Variants in PRNP observed in about 807,000 individuals in gnomAD.
PRNP encodes the protein prion protein (Kanno blood group).
Under a neutral mutation model 21.3 loss-of-function variants are expected in PRNP, and 15 were observed. The observed-to-expected ratio is 0.71, with a 90% CI of 0.47 to 1.09. The LOEUF is 1.09. PRNP is among the 50% of genes least tolerant of loss of function. The pLI, the probability that PRNP is intolerant of heterozygous loss-of-function variation, is 0.00. For missense variants in PRNP, 285 were observed against 340.9 expected, an observed-to-expected ratio of 0.84 and a Z score of 1.29; for synonymous variants, 121 against 123.1, an observed-to-expected ratio of 0.98 and a Z score of 0.11.
At chr20:4,692,335 C>T (rs1921881838) in intron 1 of PRNP, among the ~76,000 whole-genome samples, 1 of 152,150 alleles carries the variant, frequency 6.6e-6, no homozygotes, top group Admixed American at 6.5e-5. Context: ...GATTTAGGGA[C>T]TCACTGAGTT....
In PRNP at chr20:4,699,681, TGCACC is replaced by T; in HGVS notation, c.463_467del (p.His155LeufsTer12). 1 of 1,613,994 alleles carries T rather than the reference TGCACC, an allele frequency of 6.2e-7. No homozygotes were observed. Among genetic ancestry groups the T allele is most frequent in the Non-Finnish European group, 8.5e-7 (1 of 1,179,988 alleles). On this transcript the variant is annotated frameshift_variant, in exon 2 of 2. Coordinates refer to ENST00000379440, the MANE Select transcript of PRNP (RefSeq NM_000311.5). LOFTEE classifies it high-confidence loss of function. This position sits in a 1 kb window ranked among gnomAD's most constrained non-coding sequence, Gnocchi z 5.8. Reference sequence around the variant, plus strand: ...GAGGACCGTTACTATCGTGAAAACATGCACCGTTACCCCAACCAAGTGTACTACAG... The same window carrying T: ...GAGGACCGTTACTATCGTGAAAACATGTTACCCCAACCAAGTGTACTACAG...
Position 4,686,635 on chromosome 20 carries a change from G to A in PRNP, c.-11+123G>A, listed in dbSNP as rs553573503. 2.7e-3 allele frequency: 410 copies of A among 152,092 alleles called. 1 individual carries two copies. The highest frequency in any genetic ancestry group is 4.4e-3 in the Non-Finnish European group (299 of 68,002). 9.4% of individuals were successfully genotyped at this position (152,092 alleles called of 1,614,324 possible). On this transcript the variant is annotated intron_variant, in intron 1 of 1. Transcript: ENST00000379440. The surrounding 1 kb of genome is among the most constrained non-coding windows in gnomAD (Gnocchi z 6.7). ...GGCCGGGCGGGGTCGGGACCCCAGT[G>A]AGGAGGGGCCGGGGGCTGCCCCGCG...
intron 1 of PRNP, among the ~76,000 whole-genome samples, chr20:4,698,081 G>A (rs1427694213): frequency 1.3e-5 from 2 of 152,070 alleles, no homozygotes; most frequent in African/African-American, 4.8e-5. Context: ...GAGTAGCAGG[G>A]AGGCCAAGAG....
intron 1 of PRNP, among the ~76,000 whole-genome samples, chr20:4,688,445 A>T (rs1194660455): frequency 6.6e-6 from 1 of 152,214 alleles, no homozygotes; most frequent in African/African-American, 2.4e-5. Flanking sequence ...GGGCATTTCG[A>T]ACCAGTGACA....
chr20:4,687,010 T>C (rs1440655598), intron 1 of PRNP, among the ~76,000 whole-genome samples: 1 of 151,848 alleles, frequency 6.6e-6, no homozygotes, highest in Non-Finnish European at 1.5e-5. Context: ...AGAACGCCCC[T>C]TGGCAAGGCC....
At chr20:4,687,093 G>T (rs1568528124) in intron 1 of PRNP, among the ~76,000 whole-genome samples, 1 of 152,166 alleles carries the variant, frequency 6.6e-6, no homozygotes, top group Non-Finnish European at 1.5e-5. Context: ...AGTTCCGGGA[G>T]CCTCGGTGCC....
Position 4,699,920 on chromosome 20 carries a change from C to T in PRNP, c.700C>T (p.Leu234Phe), listed in dbSNP as rs536371371. The change falls in exon 2 of 2, where the codon CTC becomes TTC. Residue 234 changes from leucine to phenylalanine, a missense_variant. Transcript: ENST00000379440. The surrounding 1 kb of genome is among the most constrained non-coding windows in gnomAD (Gnocchi z 5.8). ...AYYQRGSSMV[L>F]FSSPPVILLI... is the part of the protein sequence containing the mutation. ...TTACCAGAGAGGATCGAGCATGGTCCTCTTCTCCTCTCCACCTGTGATCCT... is the reference window on the plus strand; with the variant it reads ...TTACCAGAGAGGATCGAGCATGGTCTTCTTCTCCTCTCCACCTGTGATCCT... The T allele has an allele frequency of 8.4e-5, 136 of 1,613,906 alleles. No homozygotes were observed. The South Asian group carries it at 1.4e-3, about 17-fold the overall frequency.
Position 4,697,387 on chromosome 20 carries a change from AC to A in PRNP, c.-10-1823del, listed in dbSNP as rs1922233653. Among the ~76,000 whole-genome samples, 1 of 152,214 alleles carries A rather than the reference AC, an allele frequency of 6.6e-6. No homozygotes were observed. Among genetic ancestry groups the A allele is most frequent in the African/African-American group, 2.4e-5 (1 of 41,442 alleles). Reference sequence around the variant, plus strand: ...CCCGTGGAGAACATGAATAATAAGCACAGAGGAAATAACATAATATCTCAAG... The same window carrying A: ...CCCGTGGAGAACATGAATAATAAGCAAGAGGAAATAACATAATATCTCAAG... On this transcript the variant is annotated intron_variant, in intron 1 of 1. Coordinates refer to ENST00000379440, the MANE Select transcript of PRNP (RefSeq NM_000311.5). The surrounding 1 kb of genome is among the most constrained non-coding windows in gnomAD (Gnocchi z 4.6).
Position 4,700,039 on chromosome 20 carries a change from G to A in PRNP, c.*57G>A. 1.3e-6 allele frequency: 2 copies of A among 1,555,392 alleles called. No homozygotes were observed. Among genetic ancestry groups the A allele is most frequent in the Non-Finnish European group, 1.7e-6 (2 of 1,149,096 alleles). ...ATCTTTTTCCAGCTTGAGGGAGGCG[G>A]TATCCACCTGCAGCCCTTTTAGTGG... On this transcript the variant is annotated 3_prime_UTR_variant, in exon 2 of 2. Transcript: ENST00000379440. The surrounding 1 kb of genome is among the most constrained non-coding windows in gnomAD (Gnocchi z 4.1).
Position 4,699,085 on chromosome 20 carries a change from C to A in PRNP, c.-10-126C>A. On this transcript the variant is annotated intron_variant, in intron 1 of 1. Coordinates refer to ENST00000379440, the MANE Select transcript of PRNP (RefSeq NM_000311.5). This position sits in a 1 kb window ranked among gnomAD's most constrained non-coding sequence, Gnocchi z 5.8. ...TTGTCCTAAGTGCTTCAGAGAAGTACAGGGTGGCAACAGTGTTTCTACTGA... is the reference window on the plus strand; with the variant it reads ...TTGTCCTAAGTGCTTCAGAGAAGTAAAGGGTGGCAACAGTGTTTCTACTGA... The A allele has an allele frequency of 1.7e-6, 2 of 1,152,820 alleles. No homozygotes were observed. The highest frequency in any genetic ancestry group is 1.3e-6 in the Non-Finnish European group (1 of 779,414). 71.4% of individuals were successfully genotyped at this position (1,152,820 alleles called of 1,614,324 possible). A position where few individuals can be genotyped will look rare whatever the true frequency, so the allele number is the denominator to read the frequency against.
chr20:4,692,546 T>A (rs1921899987), intron 1 of PRNP, among the ~76,000 whole-genome samples: 1 of 152,208 alleles, frequency 6.6e-6, no homozygotes, highest in Non-Finnish European at 1.5e-5. Context: ...GGGCTTTGTG[T>A]TTGTGACAGC....
In PRNP at chr20:4,686,537, G is replaced by C. The variant is rs1263930800; in HGVS notation, c.-11+25G>C. 6.6e-6 allele frequency: 1 copy of C among 151,866 alleles called. No homozygotes were observed. Among genetic ancestry groups the C allele is most frequent in the Non-Finnish European group, 1.5e-5 (1 of 67,930 alleles). 9.4% of individuals were successfully genotyped at this position (151,866 alleles called of 1,614,324 possible). On this transcript the variant is annotated intron_variant, in intron 1 of 1. Coordinates refer to ENST00000379440, the MANE Select transcript of PRNP (RefSeq NM_000311.5). This position sits in a 1 kb window ranked among gnomAD's most constrained non-coding sequence, Gnocchi z 6.7. ...GGTAAACGCCCGGGGTGGGAGGAAC[G>C]CGGGCGGGGGCAGGGGAGCCGCGGG...
intron 1 of PRNP, among the ~76,000 whole-genome samples, chr20:4,691,468 C>G (rs1320999187): frequency 6.6e-6 from 1 of 152,086 alleles, no homozygotes; most frequent in Non-Finnish European, 1.5e-5. Context: ...GAGTTTTTAT[C>G]ATGAAAGAAT....
chr20:4,700,250 C>CTGGACTTATTTT lies in PRNP; in HGVS notation c.*277_*288dup. 1.8e-6 allele frequency: 2 copies of CTGGACTTATTTT among 1,119,182 alleles called. No homozygotes were observed. The highest frequency in any genetic ancestry group is 2.6e-6 in the Non-Finnish European group (2 of 776,792). 69.3% of individuals were successfully genotyped at this position (1,119,182 alleles called of 1,614,324 possible). ...TAACAGCAAATAACCATTGGTTAATCTGGACTTATTTTTGGACTTAGTGCA... is the reference window on the plus strand; with the variant it reads ...TAACAGCAAATAACCATTGGTTAATCTGGACTTATTTTTGGACTTATTTTTGGACTTAGTGCA... On this transcript the variant is annotated 3_prime_UTR_variant, in exon 2 of 2. Coordinates refer to ENST00000379440, the MANE Select transcript of PRNP (RefSeq NM_000311.5). This position sits in a 1 kb window ranked among gnomAD's most constrained non-coding sequence, Gnocchi z 4.1.
intron 1 of PRNP, among the ~76,000 whole-genome samples, chr20:4,693,678 T>G (rs529210746): frequency 1.3e-5 from 2 of 152,250 alleles, no homozygotes; most frequent in Admixed American, 1.3e-4. Flanking sequence ...CCAAGCTAAG[T>G]ATCTTATTCA....
rs1213589806 is a variant in PRNP at position 4,700,129 on chromosome 20, G to A, written c.*147G>A. On this transcript the variant is annotated 3_prime_UTR_variant, in exon 2 of 2. Coordinates refer to ENST00000379440, the MANE Select transcript of PRNP (RefSeq NM_000311.5). The surrounding 1 kb of genome is among the most constrained non-coding windows in gnomAD (Gnocchi z 4.1). ...CTAATCAATACCCTTGGCACTGATG[G>A]GCACTGGAAAACATAGAGTAGACCT... 1 of 1,548,892 alleles carries A rather than the reference G, an allele frequency of 6.5e-7. No homozygotes were observed. The highest frequency in any genetic ancestry group is 8.7e-7 in the Non-Finnish European group (1 of 1,146,296).
Position 4,697,059 on chromosome 20 carries a change from C to T in PRNP, c.-10-2152C>T, listed in dbSNP as rs1219154816. Among the ~76,000 whole-genome samples the T allele has an allele frequency of 1.3e-5, 2 of 152,238 alleles. No homozygotes were observed. The highest frequency in any genetic ancestry group is 4.8e-5 in the African/African-American group (2 of 41,458). On this transcript the variant is annotated intron_variant, in intron 1 of 1. Transcript: ENST00000379440. This position sits in a 1 kb window ranked among gnomAD's most constrained non-coding sequence, Gnocchi z 4.6. ...CCATCTTACCCATTTCAGGTAATAT[C>T]TCCAGCCAGCCAGAGTCTACTGCAG...
At chr20:4,692,613 T>C (rs945276315) in intron 1 of PRNP, among the ~76,000 whole-genome samples, 38 of 152,212 alleles carry the variant, frequency 2.5e-4, no homozygotes, top group Non-Finnish European at 5.3e-4. Flanking sequence ...GTTTTAAAAA[T>C]AGCTTACATT....
intron 1 of PRNP, among the ~76,000 whole-genome samples, chr20:4,688,910 G>A (rs993324211): frequency 6.6e-6 from 1 of 152,190 alleles, no homozygotes; most frequent in Non-Finnish European, 1.5e-5. Flanking sequence ...TAGTTCACAG[G>A]TTTTAATTTT....
Sources: allele counts gnomAD v4.1 joint callset (sites outside exome capture counted in the v4.1 genomes callset), GRCh38; gene constraint gnomAD v4.1.1; non-coding constraint Gnocchi (gnomAD v3.1); transcripts MANE v1.5; gene names NCBI Gene and HGNC (gene_info 2026-07-23, HGNC 2026-07-21).